The following SEMA3C variants were observed in gnomAD, a reference collection of about 807,000 sequenced individuals.
SEMA3C encodes semaphorin 3C, also known as semaphorin-3C.
SEMA3C carries 47 observed loss-of-function variants against 89.4 expected under a neutral mutation model. The ratio of observed to expected loss-of-function variants is 0.53; its 90% CI spans 0.42 to 0.67. The LOEUF (loss-of-function observed/expected upper bound fraction) is 0.67. SEMA3C is among the 30% of genes least tolerant of loss of function. The pLI, the probability that SEMA3C is intolerant of heterozygous loss-of-function variation, is 0.00. For missense variants in SEMA3C, 839 were observed against 929.1 expected (o/e 0.90, Z 1.26); for synonymous variants, 310 against 320.2 (o/e 0.97, Z 0.34).
chr7:80,861,971 C>A (rs781265169), intron 2 of SEMA3C, among the ~76,000 whole-genome samples: 25 of 152,134 alleles, frequency 1.6e-4, no homozygotes, highest in Non-Finnish European at 3.7e-4. Context: ...TTATGACAAA[C>A]CCACAGCCAA....
upstream of SEMA3C, among the ~76,000 whole-genome samples, chr7:80,920,827 C>G (rs1167688145): frequency 6.6e-6 from 1 of 152,176 alleles, no homozygotes; most frequent in Non-Finnish European, 1.5e-5. Context: ...CTCTGAAATA[C>G]TTCTGAAACT....
intron 5 of SEMA3C, among the ~76,000 whole-genome samples, chr7:80,814,905 A>C (rs1341742162): frequency 6.6e-6 from 1 of 152,058 alleles, no homozygotes; most frequent in Non-Finnish European, 1.5e-5. Flanking sequence ...TCAACTCTCA[A>C]ACTAATCTCC....
intron 2 of SEMA3C, among the ~76,000 whole-genome samples, chr7:80,853,727 C>T (rs1790569898): frequency 6.6e-6 from 1 of 152,126 alleles, no homozygotes; most frequent in Admixed American, 6.5e-5. Flanking sequence ...AGGCTAACTA[C>T]AGTCAACAAT....
At chr7:80,749,207 C>T (rs1787869130) in intron 16 of SEMA3C, among the ~76,000 whole-genome samples, 179 bp from the exon 17 acceptor site, 1 of 151,980 alleles carries the variant, frequency 6.6e-6, no homozygotes, top group African/African-American at 2.4e-5. Context: ...GTTGTTCACC[C>T]GTTTTGTTTG....
At chr7:80,866,953 A>T (rs1790940899) in intron 2 of SEMA3C, among the ~76,000 whole-genome samples, 1 of 152,210 alleles carries the variant, frequency 6.6e-6, no homozygotes, top group Admixed American at 6.5e-5. Context: ...AATTGTGGAA[A>T]CAATGGAGCC....
intron 10 of SEMA3C, among the ~76,000 whole-genome samples, chr7:80,799,274 A>G (rs1482251973): frequency 6.6e-6 from 1 of 151,906 alleles, no homozygotes; most frequent in Non-Finnish European, 1.5e-5. Flanking sequence ...CAATTATACT[A>G]TGTTTTCCCA....
chr7:80,767,913 G>A (rs1788340199), intron 12 of SEMA3C, among the ~76,000 whole-genome samples: 1 of 151,970 alleles, frequency 6.6e-6, no homozygotes, highest in African/African-American at 2.4e-5. Context: ...AAGAGTCAAA[G>A]TAATTCTTAA....
chr7:80,887,084 T>C (rs996150800), intron 2 of SEMA3C, among the ~76,000 whole-genome samples: 4 of 152,186 alleles, frequency 2.6e-5, no homozygotes, highest in Non-Finnish European at 5.9e-5. Flanking sequence ...GGAGTGAAAT[T>C]AAAATATTCC....
At chr7:80,756,360 T>C (rs913483839) in intron 15 of SEMA3C, among the ~76,000 whole-genome samples, 3 of 152,012 alleles carry the variant, frequency 2.0e-5, no homozygotes, top group African/African-American at 4.8e-5. Flanking sequence ...ATTATCCCTC[T>C]ACAAGCCACC....
chr7:80,762,404 T>C (rs1788205856), intron 13 of SEMA3C, among the ~76,000 whole-genome samples: 1 of 152,176 alleles, frequency 6.6e-6, no homozygotes, highest in Admixed American at 6.5e-5. Context: ...TTAGAAAAGG[T>C]TCTCTTTTGA....
chr7:80,784,278 A>T (rs1011669997), intron 12 of SEMA3C, among the ~76,000 whole-genome samples: 1 of 145,244 alleles, frequency 6.9e-6, no homozygotes, highest in Non-Finnish European at 1.5e-5. Flanking sequence ...GATTAAAAAA[A>T]AAAAAGAGAG....
intron 2 of SEMA3C, among the ~76,000 whole-genome samples, chr7:80,849,731 T>C (rs549149159): frequency 6.6e-6 from 1 of 152,266 alleles, no homozygotes; most frequent in East Asian, 1.9e-4. Flanking sequence ...ATCTTTGTGG[T>C]CTTGTGATAG....
intron 2 of SEMA3C, among the ~76,000 whole-genome samples, chr7:80,833,625 T>G (rs1046846925): frequency 6.6e-6 from 1 of 152,182 alleles, no homozygotes; most frequent in African/African-American, 2.4e-5. Context: ...TACCTATGGC[T>G]TACTGATAGT....
intron 11 of SEMA3C, among the ~76,000 whole-genome samples, chr7:80,791,139 T>C (rs1025367971): frequency 6.6e-6 from 1 of 151,888 alleles, no homozygotes; most frequent in Non-Finnish European, 1.5e-5. Context: ...AAAGGACTGC[T>C]GAACAGCGTC....
intron 2 of SEMA3C, among the ~76,000 whole-genome samples, chr7:80,846,446 T>C (rs1016497516): frequency 5.3e-5 from 8 of 152,152 alleles, no homozygotes; most frequent in African/African-American, 1.9e-4. Context: ...AACCTCTAAC[T>C]CCTGGGCTCA....
Position 80,856,413 on chromosome 7 carries a change from G to A in SEMA3C, c.104-27668C>T, listed in dbSNP as rs77109565. Among the ~76,000 whole-genome samples, 60 of 151,458 alleles carry A rather than the reference G, an allele frequency of 4.0e-4. 1 individual carries two copies. The East Asian group carries it at 0.012, about 29-fold the overall frequency. On this transcript the variant is annotated intron_variant, in intron 2 of 17. Transcript: ENST00000265361. ...CTGTGAACTAACGAAATGATAACCC[G>A]GTAGGAATGAAGATTAGCACAAGCA... is the stretch of plus-strand genomic sequence containing the variant.
At chr7:80,787,901 A>G (rs536177963) in intron 12 of SEMA3C, among the ~76,000 whole-genome samples, 37 of 152,320 alleles carry the variant, frequency 2.4e-4, no homozygotes, top group Non-Finnish European at 4.7e-4. Flanking sequence ...AAACTCAGAT[A>G]TGTCCAACCC....
chr7:80,906,460 C>A (rs935999555), intron 2 of SEMA3C, among the ~76,000 whole-genome samples: 1 of 152,108 alleles, frequency 6.6e-6, no homozygotes, highest in African/African-American at 2.4e-5. Context: ...TCCATCAGCA[C>A]CTGGGCTCTG....
chr7:80,920,065 A>G (rs1232430555), upstream of SEMA3C, among the ~76,000 whole-genome samples: 1 of 152,158 alleles, frequency 6.6e-6, no homozygotes, highest in East Asian at 1.9e-4. Context: ...TTATTTGACA[A>G]TTCTATGTGG....
Sources: allele counts gnomAD v4.1 joint callset (sites outside exome capture counted in the v4.1 genomes callset), GRCh38; gene constraint gnomAD v4.1.1; transcripts MANE v1.5; gene names NCBI Gene and HGNC (gene_info 2026-07-23, HGNC 2026-07-21).